The following CADPS variants were observed in gnomAD, a reference collection of about 807,000 sequenced individuals.
CADPS encodes calcium-dependent secretion activator 1.
A neutral mutation model predicts 167.3 loss-of-function variants in CADPS; 57 were observed. The observed-to-expected ratio is 0.34, with a 90% CI of 0.28 to 0.42. CADPS has a LOEUF of 0.42. Among genes scored for constraint, CADPS ranks in the 20% least tolerant of loss-of-function variants. The pLI, the probability that CADPS is intolerant of heterozygous loss-of-function variation, is 1.00. For synonymous variants in CADPS, 676 were observed against 635.3 expected (o/e 1.06, Z -0.96); for missense variants, 1,414 against 1,738.1 (o/e 0.81, Z 3.32).
intron 17 of CADPS, among the ~76,000 whole-genome samples, chr3:62,502,950 A>G (rs2066014417): frequency 6.6e-6 from 1 of 152,060 alleles, no homozygotes; most frequent in African/African-American, 2.4e-5. Context: ...ATAAGCAAAA[A>G]TGATAAAACA....
In CADPS at chr3:62,479,754, A is replaced by C. The variant is rs561085421; in HGVS notation, c.3174-1338T>G. Among the ~76,000 whole-genome samples, 4 of 152,370 alleles carry C rather than the reference A, an allele frequency of 2.6e-5. No homozygotes were observed. In the East Asian group the frequency reaches 7.7e-4, roughly 29 times the overall value. On this transcript the variant is annotated intron_variant, in intron 22 of 29. Coordinates refer to ENST00000383710, the MANE Select transcript of CADPS (RefSeq NM_003716.4). ...AAAGGAAGAAACTGGAATTATGAAA[A>C]GATATAGAATCAGGCATTTCCTGGT...
rs780987254 is a variant in CADPS at position 62,602,457 on chromosome 3, G to A, written c.1326-9709C>T. On this transcript the variant is annotated intron_variant, in intron 6 of 29. Coordinates refer to ENST00000383710, the MANE Select transcript of CADPS (RefSeq NM_003716.4). The surrounding 1 kb of genome is among the most constrained non-coding windows in gnomAD (Gnocchi z 4.4). ...AAGTGTCATTTCAAGGAATGAAAGT[G>A]CCGTGGTCCTGTTGCTAAGAAGGAA... is the stretch of plus-strand genomic sequence containing the variant. 2.0e-5 allele frequency among the ~76,000 whole-genome samples: 3 copies of A among 152,152 alleles called. No individual in the cohort carries two copies. The highest frequency in any genetic ancestry group is 2.9e-5 in the Non-Finnish European group (2 of 68,048).
At chr3:62,872,107 C>T (rs954312556) in intron 1 of CADPS, among the ~76,000 whole-genome samples, 4 of 126,100 alleles carry the variant, frequency 3.2e-5, no homozygotes, top group African/African-American at 9.8e-5. Context: ...CATCCTATCC[C>T]TTTCTCTACA....
At chr3:62,633,871 A>C (rs147970930) in intron 6 of CADPS, among the ~76,000 whole-genome samples, 2 of 152,104 alleles carry the variant, frequency 1.3e-5, no homozygotes, top group Non-Finnish European at 2.9e-5. Flanking sequence ...AATCGAAATT[A>C]ACACTTCAGT....
At chr3:62,772,344 C>T (rs1182375002) in intron 1 of CADPS, among the ~76,000 whole-genome samples, 1 of 152,120 alleles carries the variant, frequency 6.6e-6, no homozygotes, top group African/African-American at 2.4e-5. Flanking sequence ...TTATGGGTGG[C>T]CATGTAACAG....
chr3:62,732,864 G>T (rs866436474), intron 3 of CADPS, among the ~76,000 whole-genome samples: 21 of 152,312 alleles, frequency 1.4e-4, no homozygotes, highest in Admixed American at 7.8e-4. Context: ...TGAGGAGACT[G>T]AGGTTCAGAG....
chr3:62,590,025 C>A (rs1370552746), intron 7 of CADPS, among the ~76,000 whole-genome samples: 4 of 151,980 alleles, frequency 2.6e-5, no homozygotes, highest in African/African-American at 4.8e-5. Flanking sequence ...CCTGTCTCTA[C>A]TAAAAATACA....
intron 3 of CADPS, 48 bp from the exon 4 acceptor site, chr3:62,662,442 C>T (rs1188622782): frequency 1.3e-6 from 2 of 1,518,566 alleles, no homozygotes; most frequent in Middle Eastern, 1.7e-4. Context: ...GTCACAAGTG[C>T]CAATAAACTC....
At chr3:62,474,383 T>C in intron 23 of CADPS, 63 bp from the exon 24 acceptor site, 1 of 1,511,842 alleles carries the variant, frequency 6.6e-7, no homozygotes, top group Non-Finnish European at 9.1e-7. Flanking sequence ...GGAGGAGATA[T>C]TTTCTGAGAG....
At chr3:62,476,832 A>G (rs1160291806) in intron 23 of CADPS, among the ~76,000 whole-genome samples, 1 of 152,154 alleles carries the variant, frequency 6.6e-6, no homozygotes, top group Non-Finnish European at 1.5e-5. Context: ...GATCACGCAA[A>G]AAGTTTTTTT....
chr3:62,640,370 T>G (rs1308031998), intron 6 of CADPS, among the ~76,000 whole-genome samples: 1 of 152,168 alleles, frequency 6.6e-6, no homozygotes, highest in African/African-American at 2.4e-5. Flanking sequence ...GGGAACAATT[T>G]AATAGAACTC....
chr3:62,794,636 G>A (rs2093239740), intron 1 of CADPS, among the ~76,000 whole-genome samples: 1 of 151,932 alleles, frequency 6.6e-6, no homozygotes, highest in Non-Finnish European at 1.5e-5. Context: ...TATGGTAGAT[G>A]GTAATGAAAA....
At position 62,619,948 on chromosome 3, in the gene CADPS, C is replaced by T. The variant is rs569984712; in HGVS notation, c.1325+25774G>A. The stretch of plus-strand genomic sequence containing the variant: ...GGACACATCTCTTGGTTTGAGGTGA[C>T]GATTATGGATTATTTTGTTGCCTTT... On this transcript the variant is annotated intron_variant, in intron 6 of 29. Transcript: ENST00000383710. 2.0e-4 allele frequency among the ~76,000 whole-genome samples: 31 copies of T among 152,072 alleles called. No homozygotes were observed. The South Asian group carries it at 3.7e-3, about 18-fold the overall frequency.
At chr3:62,483,493 G>C (rs1224642296) in intron 21 of CADPS, among the ~76,000 whole-genome samples, 1 of 152,082 alleles carries the variant, frequency 6.6e-6, no homozygotes, top group Admixed American at 6.5e-5. Flanking sequence ...TATAGCCCCA[G>C]CTCATAGACT....
intron 3 of CADPS, among the ~76,000 whole-genome samples, chr3:62,717,937 C>T (rs558591076): frequency 5.9e-5 from 9 of 152,326 alleles, no homozygotes; most frequent in Admixed American, 3.9e-4. Context: ...TTTCTTCTTG[C>T]TGTTCCCTCT....
intron 8 of CADPS, among the ~76,000 whole-genome samples, chr3:62,572,371 C>T (rs2081448693): frequency 6.6e-6 from 1 of 152,138 alleles, no homozygotes. Flanking sequence ...TCCCCACCCA[C>T]ATTTTTTGCT....
At position 62,538,536 on chromosome 3, in the gene CADPS, T is replaced by C. The variant is rs1208701817; in HGVS notation, c.1967-1955A>G. Among the ~76,000 whole-genome samples the C allele has an allele frequency of 5.9e-5, 9 of 152,102 alleles. No individual in the cohort carries two copies. In the East Asian group the frequency reaches 1.5e-3, roughly 26 times the overall value. On this transcript the variant is annotated intron_variant, in intron 11 of 29. Transcript: ENST00000383710. The stretch of plus-strand genomic sequence containing the variant: ...TCATCCTCATAAAAAGCCTCATCCA[T>C]CCCTCGCCTCCCAATTTTAACAGAT...
chr3:62,672,607 T>C (rs6445283), intron 3 of CADPS, among the ~76,000 whole-genome samples: 31,933 of 152,042 alleles, frequency 0.21, 3,885 homozygotes, highest in African/African-American at 0.34. Context: ...CAATGTGAAT[T>C]CTCTTTCCTC....
At chr3:62,461,646 C>A (rs912350609) in intron 26 of CADPS, among the ~76,000 whole-genome samples, 1 of 152,196 alleles carries the variant, frequency 6.6e-6, no homozygotes, top group African/African-American at 2.4e-5. Context: ...AGAAGATTCT[C>A]CCCTCTTCTG....
Sources: allele counts gnomAD v4.1 joint callset (sites outside exome capture counted in the v4.1 genomes callset), GRCh38; gene constraint gnomAD v4.1.1; non-coding constraint Gnocchi (gnomAD v3.1); transcripts MANE v1.5; gene names NCBI Gene and HGNC (gene_info 2026-07-23, HGNC 2026-07-21).